SYCP2L: variants seen among roughly 807,000 people sequenced by gnomAD.
SYCP2L encodes the protein synaptonemal complex protein 2-like.
In SYCP2L, 98 loss-of-function variants were observed where a neutral mutation model predicts 125.8. The ratio of observed to expected loss-of-function variants is 0.78; its 90% CI spans 0.66 to 0.92. The LOEUF (loss-of-function observed/expected upper bound fraction) is 0.92. Among genes scored for constraint, SYCP2L ranks in the 40% least tolerant of loss-of-function variants. The pLI is 0.00. For synonymous variants in SYCP2L, 317 were observed against 325.4 expected (o/e 0.97, Z 0.28); for missense variants, 842 against 936.4 (o/e 0.90, Z 1.32).
At chr6:10,928,353 A>T in intron 17 of SYCP2L, 50 bp from the exon 18 acceptor site, 1 of 853,084 alleles carries the variant, frequency 1.2e-6, no homozygotes, top group Non-Finnish European at 1.9e-6. Context: ...TAATTTGGGG[A>T]ACTAATAAAT....
At chr6:10,888,960 C>G (rs1323300706) in intron 1 of SYCP2L, among the ~76,000 whole-genome samples, 2 of 152,096 alleles carry the variant, frequency 1.3e-5, no homozygotes, top group African/African-American at 4.8e-5. Flanking sequence ...CTCCTGGGTT[C>G]GAGTGATTCT....
chr6:10,943,581 T>A (rs1781259389), intron 23 of SYCP2L, among the ~76,000 whole-genome samples: 1 of 151,120 alleles, frequency 6.6e-6, no homozygotes, highest in African/African-American at 2.4e-5. Flanking sequence ...AAAGTGAACA[T>A]CTGTGTAACC....
At chr6:10,906,618 A>C (rs904438315) in intron 9 of SYCP2L, among the ~76,000 whole-genome samples, 2 of 134,542 alleles carry the variant, frequency 1.5e-5, no homozygotes, top group African/African-American at 5.6e-5. Flanking sequence ...TTTTTTTTTG[A>C]TGGAGTTTTG....
Position 10,910,838 on chromosome 6 carries a change from C to T in SYCP2L, c.887C>T (p.Pro296Leu), listed in dbSNP as rs762032874. ...GTATTTTGCAGGGTGTATTCATTTC[C>T]GTGTATTGCTGCTTTTGCTGATGAG... ...LGDQRRVYSF[P>L]CIAAFADEHE... Residue 296 changes from proline (P) to leucine (L), a missense_variant, in exon 12 of 30, where the codon CCG (proline) becomes CTG (leucine). Transcript: ENST00000283141. The T allele has an allele frequency of 2.0e-5, 33 of 1,613,598 alleles. No individual in the cohort carries two copies. Among genetic ancestry groups the T allele is most frequent in the East Asian group, 4.5e-5 (2 of 44,872 alleles).
At chr6:10,949,826 A>G (rs1198065288) in intron 23 of SYCP2L, among the ~76,000 whole-genome samples, 1 of 147,706 alleles carries the variant, frequency 6.8e-6, no homozygotes, top group Non-Finnish European at 1.5e-5. Context: ...AAAAAATCTG[A>G]TCTGACAATC....
chr6:10,909,970 C>A (rs1245586276), intron 10 of SYCP2L, among the ~76,000 whole-genome samples, 178 bp from the exon 11 acceptor site: 1 of 152,160 alleles, frequency 6.6e-6, no homozygotes, highest in Non-Finnish European at 1.5e-5. Context: ...GATCCTGGAG[C>A]CTCCTCTTTG....
At chr6:10,920,064 G>A (rs1276919272) in intron 14 of SYCP2L, among the ~76,000 whole-genome samples, 2 of 152,160 alleles carry the variant, frequency 1.3e-5, no homozygotes, top group Non-Finnish European at 2.9e-5. Flanking sequence ...TTGCTTTGAT[G>A]TCTTATCCAT....
intron 27 of SYCP2L, 44 bp downstream of exon 27, chr6:10,961,448 C>T (rs1581845594): frequency 6.2e-7 from 1 of 1,613,264 alleles, no homozygotes; most frequent in Non-Finnish European, 8.5e-7. Context: ...TCGGATCTTT[C>T]CCAGGGAAAA....
At chr6:10,927,114 A>G in intron 16 of SYCP2L, 126 bp from the exon 17 acceptor site, 1 of 1,450,916 alleles carries the variant, frequency 6.9e-7, no homozygotes, top group Non-Finnish European at 9.1e-7. Context: ...GGTTTGAGGC[A>G]GGACCTAATT....
chr6:10,897,517 TC>T (rs1424975764), intron 4 of SYCP2L, among the ~76,000 whole-genome samples: 1 of 151,866 alleles, frequency 6.6e-6, no homozygotes, highest in African/African-American at 2.4e-5. Flanking sequence ...GGTCAAGTGA[TC>T]CTCATACCTC....
intron 23 of SYCP2L, among the ~76,000 whole-genome samples, chr6:10,952,022 C>T (rs1192963841): frequency 6.6e-6 from 1 of 152,116 alleles, no homozygotes; most frequent in Non-Finnish European, 1.5e-5. Context: ...AGGAGCACAC[C>T]CCCTCTGCAG....
At chr6:10,905,142 C>CAA (rs34659978) in intron 8 of SYCP2L, among the ~76,000 whole-genome samples, 315 of 54,394 alleles carry the variant, frequency 5.8e-3, no homozygotes, top group Middle Eastern at 0.016. Context: ...GACTTGGTCT[C>CAA]AAAAAAAAAA....
intron 23 of SYCP2L, among the ~76,000 whole-genome samples, chr6:10,953,028 A>G (rs566803461): frequency 6.6e-6 from 1 of 152,244 alleles, no homozygotes; most frequent in African/African-American, 2.4e-5. Flanking sequence ...AGTTCTGCAG[A>G]ATGGGAATGT....
intron 23 of SYCP2L, among the ~76,000 whole-genome samples, chr6:10,950,619 C>T (rs968938102): frequency 1.3e-5 from 2 of 152,130 alleles, no homozygotes; most frequent in African/African-American, 4.8e-5. Flanking sequence ...CAGCAGGAGC[C>T]CCTCCTTTAA....
chr6:10,969,880 A>G (rs980350378), intron 29 of SYCP2L, among the ~76,000 whole-genome samples: 1 of 152,122 alleles, frequency 6.6e-6, no homozygotes, highest in Non-Finnish European at 1.5e-5. Flanking sequence ...GCAAAGTAGC[A>G]TATATAACAT....
chr6:10,898,915 AAAG>A (rs1312755900), intron 6 of SYCP2L, 67 bp downstream of exon 6: 9 of 1,019,140 alleles, frequency 8.8e-6, no homozygotes, highest in Non-Finnish European at 1.4e-5. Flanking sequence ...GGCACAGAGA[AAAG>A]AAAAATGATA....
chr6:10,926,788 T>TC (rs2113349565), intron 16 of SYCP2L, among the ~76,000 whole-genome samples: 1 of 151,186 alleles, frequency 6.6e-6, no homozygotes, highest in African/African-American at 2.4e-5. Flanking sequence ...TTTCTTTTTT[T>TC]TTTTTTTTTG....
chr6:10,916,566 C>T (rs964948891), intron 14 of SYCP2L, among the ~76,000 whole-genome samples: 1 of 152,214 alleles, frequency 6.6e-6, no homozygotes, highest in African/African-American at 2.4e-5. Flanking sequence ...ATCTTGATTT[C>T]ATTTTTGACC....
chr6:10,927,830 C>T (rs568873600), intron 17 of SYCP2L, among the ~76,000 whole-genome samples: 38 of 152,194 alleles, frequency 2.5e-4, no homozygotes, highest in African/African-American at 8.7e-4. Context: ...CCTACAGTCT[C>T]GACCATAGAA....
Sources: gnomAD v4.1 joint callset for allele counts (sites outside exome capture counted in the v4.1 genomes callset) on GRCh38, gnomAD v4.1.1 for gene constraint, MANE v1.5 for transcripts, NCBI Gene and HGNC (gene_info 2026-07-23, HGNC 2026-07-21) for gene names.